IMMP2L: variants seen among roughly 807,000 people sequenced by gnomAD.
IMMP2L encodes inner mitochondrial membrane peptidase subunit 2, also known as mitochondrial inner membrane protease subunit 2.
IMMP2L carries 18 observed loss-of-function variants against 19.3 expected under a neutral mutation model. The ratio of observed to expected loss-of-function variants is 0.93; its 90% CI spans 0.64 to 1.38. IMMP2L has a LOEUF of 1.38. IMMP2L is among the 40% of genes most tolerant of loss of function. IMMP2L has a pLI of 0.00. For synonymous variants in IMMP2L, 76 were observed against 73.0 expected (o/e 1.04, Z -0.21); for missense variants, 233 against 218.2 (o/e 1.07, Z -0.43).
intron 3 of IMMP2L, among the ~76,000 whole-genome samples, chr7:111,176,040 A>C (rs1212296832): frequency 6.6e-6 from 1 of 151,950 alleles, no homozygotes; most frequent in Non-Finnish European, 1.5e-5. Context: ...TCACTGATCA[A>C]CAGAGAAATG....
At chr7:111,205,865 C>T (rs1220347373) in intron 3 of IMMP2L, among the ~76,000 whole-genome samples, 3 of 152,074 alleles carry the variant, frequency 2.0e-5, no homozygotes, top group African/African-American at 7.2e-5. Context: ...GTCAGACTAG[C>T]TGGGGCGAGT....
chr7:111,357,090 A>G (rs572225199), intron 3 of IMMP2L, among the ~76,000 whole-genome samples: 29 of 152,158 alleles, frequency 1.9e-4, no homozygotes, highest in African/African-American at 7.0e-4. Flanking sequence ...TAAACTACAA[A>G]CTCATCTTTG....
chr7:111,352,787 T>C (rs1386635615), intron 3 of IMMP2L, among the ~76,000 whole-genome samples: 2 of 152,114 alleles, frequency 1.3e-5, no homozygotes, highest in Middle Eastern at 3.2e-3. Context: ...AAGTCTCTAG[T>C]CACAGCATTT....
At chr7:110,902,642 C>CTATTTTGTAGGCAATGGGGAACATCTGAA (rs1585199892) in intron 4 of IMMP2L, among the ~76,000 whole-genome samples, 32 of 111,406 alleles carry the variant, frequency 2.9e-4, no homozygotes, top group South Asian at 8.0e-4. Context: ...AGTACAGACT[C>CTATTTTGTAGGCAATGGGGAACATCTGAA]GGCCGGGCGC....
At position 111,028,823 on chromosome 7, in the gene IMMP2L, T is replaced by C. The variant is rs996329741; in HGVS notation, c.240-65258A>G. On this transcript the variant is annotated intron_variant, in intron 3 of 5. Transcript: ENST00000405709. ...AAAGAATAAATGACATACATCTGCA[T>C]ATAAAATGATTGGATTTGACATAAG... 2.6e-5 allele frequency among the ~76,000 whole-genome samples: 4 copies of C among 152,260 alleles called. No individual in the cohort carries two copies. The East Asian group carries it at 5.8e-4, about 22-fold the overall frequency.
In IMMP2L at chr7:111,152,510, G is replaced by C. The variant is rs556701295; in HGVS notation, c.240-188945C>G. Among the ~76,000 whole-genome samples, 310 of 152,150 alleles carry C rather than the reference G, an allele frequency of 2.0e-3. 2 individuals carry two copies. The highest frequency in any genetic ancestry group is 7.1e-3 in the African/African-American group (294 of 41,528). Reference sequence around the variant, plus strand: ...TCTTAGTAGAACAAATTTTGAGAAAGAAAATCTTAATTTATTAAGCATAGT... The same window carrying C: ...TCTTAGTAGAACAAATTTTGAGAAACAAAATCTTAATTTATTAAGCATAGT... On this transcript the variant is annotated intron_variant, in intron 3 of 5. Transcript: ENST00000405709.
At chr7:111,468,520 G>A (rs1350716471) in intron 3 of IMMP2L, among the ~76,000 whole-genome samples, 1 of 151,980 alleles carries the variant, frequency 6.6e-6, no homozygotes, top group Non-Finnish European at 1.5e-5. Flanking sequence ...GACTTTTAGA[G>A]GAGAGAGAAC....
intron 3 of IMMP2L, among the ~76,000 whole-genome samples, chr7:111,059,937 AAAAAAAAAGAACTCTT>A (rs1355481775): frequency 3.5e-5 from 4 of 113,430 alleles, no homozygotes; most frequent in Admixed American, 1.7e-4. Context: ...AAAAAAAAAG[AAAAAAAAAGAACTCTT>A]CTTGCCAGAA....
At chr7:110,916,450 T>C (rs1813622206) in intron 4 of IMMP2L, among the ~76,000 whole-genome samples, 2 of 152,230 alleles carry the variant, frequency 1.3e-5, no homozygotes, top group African/African-American at 4.8e-5. Context: ...CATTCTACTA[T>C]TATATAAAAG....
chr7:111,378,600 A>C (rs981948510), intron 3 of IMMP2L, among the ~76,000 whole-genome samples: 1 of 151,980 alleles, frequency 6.6e-6, no homozygotes, highest in Non-Finnish European at 1.5e-5. Flanking sequence ...TTCTATCTCT[A>C]AAATCCCTTT....
chr7:111,009,743 A>G (rs1404685524), intron 3 of IMMP2L, among the ~76,000 whole-genome samples: 1 of 152,130 alleles, frequency 6.6e-6, no homozygotes, highest in Non-Finnish European at 1.5e-5. Flanking sequence ...CTAAAGGCTC[A>G]CAAAGCCACT....
At chr7:111,335,221 G>T (rs1826276756) in intron 3 of IMMP2L, among the ~76,000 whole-genome samples, 1 of 152,070 alleles carries the variant, frequency 6.6e-6, no homozygotes, top group African/African-American at 2.4e-5. Flanking sequence ...CTTTGGAACA[G>T]ATCTTACATA....
intron 3 of IMMP2L, among the ~76,000 whole-genome samples, chr7:111,014,943 G>A (rs1825355050): frequency 1.3e-5 from 2 of 152,160 alleles, no homozygotes; most frequent in Non-Finnish European, 1.5e-5. Context: ...GAGCCCTGGT[G>A]CCCTGTTGGT....
At chr7:111,466,467 C>A (rs1585218999) in intron 3 of IMMP2L, among the ~76,000 whole-genome samples, 1 of 152,050 alleles carries the variant, frequency 6.6e-6, no homozygotes, top group South Asian at 2.1e-4. Flanking sequence ...TAAAAATAAA[C>A]ACACACAAAA....
intron 5 of IMMP2L, among the ~76,000 whole-genome samples, chr7:110,684,089 A>G (rs757845979): frequency 1.3e-5 from 2 of 152,132 alleles, no homozygotes; most frequent in Non-Finnish European, 2.9e-5. Flanking sequence ...TAGATTATTT[A>G]AAGTTGAAAT....
At chr7:111,341,772 T>G (rs552298940) in intron 3 of IMMP2L, among the ~76,000 whole-genome samples, 2 of 152,170 alleles carry the variant, frequency 1.3e-5, no homozygotes, top group Non-Finnish European at 2.9e-5. Flanking sequence ...TTAATCCCAA[T>G]GCAACAGGGT....
chr7:110,687,870 T>A (rs1279401833), intron 5 of IMMP2L, among the ~76,000 whole-genome samples: 1 of 151,862 alleles, frequency 6.6e-6, no homozygotes, highest in Non-Finnish European at 1.5e-5. Context: ...TTCATCTGCT[T>A]GTATCTGGCT....
rs1433331307 is a variant in IMMP2L at position 110,926,225 on chromosome 7, C to G, written c.305+37275G>C. On this transcript the variant is annotated intron_variant, in intron 4 of 5. Coordinates refer to ENST00000405709, the MANE Select transcript of IMMP2L (RefSeq NM_032549.4). ...TATTCAGGTGAGAAAATTCCTTTAT[C>G]CCTATTTATAAAGGTGTTCTTTTTA... is the stretch of plus-strand genomic sequence containing the variant. 2.0e-5 allele frequency among the ~76,000 whole-genome samples: 3 copies of G among 151,918 alleles called. No homozygotes were observed. In the East Asian group the frequency reaches 5.8e-4, roughly 29 times the overall value.
At chr7:110,715,213 A>G (rs1158922848) in intron 5 of IMMP2L, among the ~76,000 whole-genome samples, 1 of 152,058 alleles carries the variant, frequency 6.6e-6, no homozygotes, top group Admixed American at 6.6e-5. Context: ...ATCCTTTTAA[A>G]GAACCAACTT....
Sources: allele counts gnomAD v4.1 joint callset (sites outside exome capture counted in the v4.1 genomes callset), GRCh38; gene constraint gnomAD v4.1.1; transcripts MANE v1.5; gene names NCBI Gene and HGNC (gene_info 2026-07-23, HGNC 2026-07-21).